SMTNL2: variants seen among roughly 807,000 people sequenced by gnomAD.
The protein encoded by SMTNL2 is smoothelin like 2.
A neutral mutation model predicts 44.1 loss-of-function variants in SMTNL2; 43 were observed. The observed-to-expected ratio is 0.98, with a 90% CI of 0.76 to 1.26. The LOEUF (loss-of-function observed/expected upper bound fraction) is 1.26. Among genes scored for constraint, SMTNL2 ranks in the 50% most tolerant of loss-of-function variants. The pLI is 0.00. For missense variants in SMTNL2, 646 were observed against 670.2 expected, an observed-to-expected ratio of 0.96 and a Z score of 0.40; for synonymous variants, 317 against 287.6, an observed-to-expected ratio of 1.10 and a Z score of -1.03.
Position 4,597,092 on chromosome 17 carries a change from G to A in SMTNL2, c.1108-80G>A, listed in dbSNP as rs138959040. 0.013 allele frequency: 20,111 copies of A among 1,554,370 alleles called. 188 individuals are homozygous for A. The highest frequency in any genetic ancestry group is 0.021 in the Middle Eastern group (117 of 5,650). ...GGAGCCCGCTGAGGCTGGGGTTAAG[G>A]GGTAGGAACCACGGTAATTATGCCT... On this transcript the variant is annotated intron_variant, in intron 6 of 7. Transcript: ENST00000389313.
Position 4,595,030 on chromosome 17 carries a change from C to A in SMTNL2, c.807-115C>A. ...GGAGCAAGGGGGCCTCTTCTCTGAG[C>A]GCCCATCACGGTGCAGGCTGCCTTG... On this transcript the variant is annotated intron_variant, in intron 4 of 7. Transcript: ENST00000389313. The surrounding 1 kb of genome is among the most constrained non-coding windows in gnomAD (Gnocchi z 5.1). 1.5e-6 allele frequency: 2 copies of A among 1,375,520 alleles called. No individual in the cohort carries two copies. The highest frequency in any genetic ancestry group is 1.8e-5 in the Admixed American group (1 of 55,392). 85.2% of individuals were successfully genotyped at this position (1,375,520 alleles called of 1,614,324 possible). A position where few individuals can be genotyped will look rare whatever the true frequency, so the allele number is the denominator to read the frequency against.
chr17:4,601,711 G>A (rs1910041092), intron 7 of SMTNL2, among the ~76,000 whole-genome samples: 1 of 151,390 alleles, frequency 6.6e-6, no homozygotes, highest in African/African-American at 2.4e-5. Flanking sequence ...TTAGAGACGG[G>A]GTCTAACTAT....
chr17:4,603,868 A>G (rs1391169717), intron 7 of SMTNL2, among the ~76,000 whole-genome samples: 1 of 151,648 alleles, frequency 6.6e-6, no homozygotes, highest in Non-Finnish European at 1.5e-5. Flanking sequence ...CCCTTGAGAT[A>G]GAGTCTCACT....
At chr17:4,601,864 G>A (rs1172163947) in intron 7 of SMTNL2, among the ~76,000 whole-genome samples, 1 of 151,962 alleles carries the variant, frequency 6.6e-6, no homozygotes, top group Non-Finnish European at 1.5e-5. Flanking sequence ...TACAAAAGCA[G>A]TTGTTGTTTT....
chr17:4,586,040 G>A (rs1458252942), intron 1 of SMTNL2, among the ~76,000 whole-genome samples: 1 of 152,194 alleles, frequency 6.6e-6, no homozygotes, highest in Non-Finnish European at 1.5e-5. Context: ...TTTGTGCTGG[G>A]GGCCTGGGGC....
Position 4,592,363 on chromosome 17 carries a change from T to A in SMTNL2, c.402T>A (p.Ser134Arg), listed in dbSNP as rs1909609211. 1 of 1,612,840 alleles carries A rather than the reference T, an allele frequency of 6.2e-7. No individual in the cohort carries two copies. Among genetic ancestry groups the A allele is most frequent in the Non-Finnish European group, 8.5e-7 (1 of 1,179,818 alleles). ...CGGTGACATTTGTGTCTCTGTAGAG[T>A]TTGGATCACGATGAGGCCAGTGAGT... ...ATFSLSGRGQSLDHDEASESE... is the reference protein window; with the variant it reads ...ATFSLSGRGQRLDHDEASESE... The change falls in exon 2 of 8, where the codon AGT becomes AGA. Residue 134 changes from serine to arginine, a missense_variant and splice_region_variant. Physicochemically the swap from Ser to Arg is moderately radical, Grantham distance 110. Transcript: ENST00000389313. The surrounding 1 kb of genome is among the most constrained non-coding windows in gnomAD (Gnocchi z 4.5).
chr17:4,587,077 G>A lies in SMTNL2; in HGVS notation c.399+2073G>A, dbSNP rs188646330. Among the ~76,000 whole-genome samples the A allele has an allele frequency of 1.1e-3, 164 of 152,316 alleles. 1 individual carries two copies. The highest frequency in any genetic ancestry group is 2.0e-3 in the Non-Finnish European group (139 of 68,034). ...AGACCGGGGAACTGCCAGGGAGTGAGGAGGACCTGAGTGCACTCTCAGCAA... is the reference window on the plus strand; with the variant it reads ...AGACCGGGGAACTGCCAGGGAGTGAAGAGGACCTGAGTGCACTCTCAGCAA... On this transcript the variant is annotated intron_variant, in intron 1 of 7. Transcript: ENST00000389313.
chr17:4,595,302 T>C lies in SMTNL2; in HGVS notation c.964T>C (p.Trp322Arg). 6.2e-7 allele frequency: 1 copy of C among 1,612,614 alleles called. No individual in the cohort carries two copies. The highest frequency in any genetic ancestry group is 1.1e-5 in the South Asian group (1 of 91,030). Residue 322 changes from tryptophan to arginine, a missense_variant, in exon 5 of 8, where the codon TGG (tryptophan) becomes CGG (arginine). Transcript: ENST00000389313. The surrounding 1 kb of genome is among the most constrained non-coding windows in gnomAD (Gnocchi z 5.1). Reference protein sequence around the residue: ...AQARKALFEKWEQETAAGKGK... With the variant: ...AQARKALFEKREQETAAGKGK... ...GGCCCGGAAAGCATTGTTTGAGAAG[T>C]GGGAGCAGGAAACGGCGGCCGGCAA...
rs1004337404 is a variant in SMTNL2, at chr17:4,592,726, T to C, written c.488-203T>C. Among the ~76,000 whole-genome samples the C allele has an allele frequency of 1.3e-5, 2 of 151,888 alleles. No individual in the cohort carries two copies. Among genetic ancestry groups the C allele is most frequent in the Non-Finnish European group, 2.9e-5 (2 of 67,964 alleles). Reference sequence around the variant, plus strand: ...CGACTAGTATTTATTAAGCTGGCCATGAGGGGAAGTTGGGAAAAATCAATT... The same window carrying C: ...CGACTAGTATTTATTAAGCTGGCCACGAGGGGAAGTTGGGAAAAATCAATT... On this transcript the variant is annotated intron_variant, in intron 2 of 7. Coordinates refer to ENST00000389313, the MANE Select transcript of SMTNL2 (RefSeq NM_001114974.2). The surrounding 1 kb of genome is among the most constrained non-coding windows in gnomAD (Gnocchi z 4.5).
At chr17:4,605,153 GTTTT>G (rs753950451) in intron 7 of SMTNL2, among the ~76,000 whole-genome samples, 2 of 82,250 alleles carry the variant, frequency 2.4e-5, no homozygotes, top group African/African-American at 5.4e-5. Context: ...TTTTTGTTTG[GTTTT>G]TTTTTTTTTT....
intron 7 of SMTNL2, among the ~76,000 whole-genome samples, chr17:4,606,167 G>A (rs1016115240): frequency 6.6e-6 from 1 of 152,028 alleles, no homozygotes; most frequent in African/African-American, 2.4e-5. Flanking sequence ...CTGCCCCCAG[G>A]CTGGAGTGCA....
In SMTNL2 at chr17:4,607,399, A is replaced by G; in HGVS notation, c.1298A>G (p.Asp433Gly). Reference protein sequence around the residue: ...ANCERLIEVEDMMVMGRKPDP... With the variant: ...ANCERLIEVEGMMVMGRKPDP... ...TGTGAGCGCCTCATCGAAGTGGAGGACATGATGGTGATGGGCCGCAAGCCG... is the reference window on the plus strand; with the variant it reads ...TGTGAGCGCCTCATCGAAGTGGAGGGCATGATGGTGATGGGCCGCAAGCCG... The change falls in exon 8 of 8, where the codon GAC becomes GGC. Residue 433 changes from aspartate (D) to glycine (G), a missense_variant. By Grantham distance (94) the Asp-to-Gly change is moderately conservative (BLOSUM62 -1). Transcript: ENST00000389313. This position sits in a 1 kb window ranked among gnomAD's most constrained non-coding sequence, Gnocchi z 4.7. 1 of 1,614,136 alleles carries G rather than the reference A, an allele frequency of 6.2e-7. No individual in the cohort carries two copies. The highest frequency in any genetic ancestry group is 8.5e-7 in the Non-Finnish European group (1 of 1,180,034).
chr17:4,594,473 A>AAAT (rs1411063377), intron 4 of SMTNL2, among the ~76,000 whole-genome samples: 4,420 of 151,814 alleles, frequency 0.029, 223 homozygotes, highest in African/African-American at 0.1. Context: ...ATAAATAAAT[A>AAAT]AATAAATGAA....
At chr17:4,584,420 G>T (rs2150516526), upstream of SMTNL2, 2 of 523,964 alleles carry the variant, frequency 3.8e-6, no homozygotes, top group Non-Finnish European at 5.7e-6. Context: ...GTCCCGCTGG[G>T]CTCCAGGGCA....
chr17:4,607,518 C>A lies in SMTNL2; in HGVS notation c.*31C>A. 1 of 1,607,816 alleles carries A rather than the reference C, an allele frequency of 6.2e-7. No individual in the cohort carries two copies. The highest frequency in any genetic ancestry group is 8.5e-7 in the Non-Finnish European group (1 of 1,175,018). On this transcript the variant is annotated 3_prime_UTR_variant, in exon 8 of 8. Coordinates refer to ENST00000389313, the MANE Select transcript of SMTNL2 (RefSeq NM_001114974.2). This position sits in a 1 kb window ranked among gnomAD's most constrained non-coding sequence, Gnocchi z 4.7. ...CTGAGCCTGGATTGCCAAAGAGCAG[C>A]CCCAGGAAGAGGCCGGGGGTCCGCT...
chr17:4,601,414 C>CAA (rs11418037), intron 7 of SMTNL2, among the ~76,000 whole-genome samples: 3,310 of 149,004 alleles, frequency 0.022, 87 homozygotes, highest in African/African-American at 0.052. Flanking sequence ...GACCTCATCT[C>CAA]AAAAAAAAAA....
chr17:4,599,749 T>G (rs1037860895), intron 7 of SMTNL2, among the ~76,000 whole-genome samples: 9 of 152,172 alleles, frequency 5.9e-5, no homozygotes, highest in Admixed American at 5.9e-4. Flanking sequence ...GGGCTGTGCT[T>G]CCCCAGCACG....
intron 7 of SMTNL2, among the ~76,000 whole-genome samples, chr17:4,597,749 C>T (rs1217739313): frequency 6.6e-6 from 1 of 152,234 alleles, no homozygotes; most frequent in Non-Finnish European, 1.5e-5. Context: ...TGACCTGGGC[C>T]ACTTAAAAGG....
rs1453079959 is a variant in SMTNL2, at chr17:4,595,517, C to G, written c.989+190C>G. 6.6e-6 allele frequency among the ~76,000 whole-genome samples: 1 copy of G among 152,210 alleles called. No homozygotes were observed. The highest frequency in any genetic ancestry group is 1.5e-5 in the Non-Finnish European group (1 of 68,030). Reference sequence around the variant, plus strand: ...CAGGGCAGCTTGGGGGGACAGAGGACCCCAGTTGTTGGGGGAGATGGCTGT... The same window carrying G: ...CAGGGCAGCTTGGGGGGACAGAGGAGCCCAGTTGTTGGGGGAGATGGCTGT... On this transcript the variant is annotated intron_variant, in intron 5 of 7. Coordinates refer to ENST00000389313, the MANE Select transcript of SMTNL2 (RefSeq NM_001114974.2). This position sits in a 1 kb window ranked among gnomAD's most constrained non-coding sequence, Gnocchi z 5.1.
Sources: gnomAD v4.1 joint callset for allele counts (sites outside exome capture counted in the v4.1 genomes callset) on GRCh38, gnomAD v4.1.1 for gene constraint, Gnocchi (gnomAD v3.1) non-coding constraint, MANE v1.5 for transcripts, NCBI Gene and HGNC (gene_info 2026-07-23, HGNC 2026-07-21) for gene names.